Variants in NOX4 observed in about 807,000 individuals in gnomAD.
The protein encoded by NOX4 is NADPH oxidase 4.
A neutral mutation model predicts 87.6 loss-of-function variants in NOX4; 69 were observed. That is an observed-to-expected ratio of 0.79 (90% CI 0.65 to 0.96). The LOEUF (loss-of-function observed/expected upper bound fraction) is 0.96, where lower values mean the gene tolerates loss of function less well. Ranked by LOEUF, NOX4 falls within the 40% of genes least tolerant of loss-of-function variation. NOX4 has a pLI of 0.00. For missense variants in NOX4, 680 were observed against 681.5 expected (o/e 1.00, Z 0.02); for synonymous variants, 275 against 238.2 (o/e 1.15, Z -1.42).
the NOX4 span, among the ~76,000 whole-genome samples, chr11:89,578,958 T>C: frequency 3.9e-5 from 6 of 152,096 alleles, no homozygotes; most frequent in Non-Finnish European, 4.4e-5. Context: ...TTACCTGCAA[T>C]GAAATATTAT....
At chr11:89,549,368 C>T in the NOX4 span, among the ~76,000 whole-genome samples, 1 of 152,172 alleles carries the variant, frequency 6.6e-6, no homozygotes, top group African/African-American at 2.4e-5. Context: ...GCTCTCCTCC[C>T]TTGATTTTTG....
chr11:89,538,114 G>A, the NOX4 span, among the ~76,000 whole-genome samples: 1 of 152,270 alleles, frequency 6.6e-6, no homozygotes, highest in Non-Finnish European at 1.5e-5. Flanking sequence ...AGCATGGACT[G>A]GAATCTGTCT....
At chr11:89,330,179 T>C (rs1173980351) in intron 17 of NOX4, among the ~76,000 whole-genome samples, 1 of 151,820 alleles carries the variant, frequency 6.6e-6, no homozygotes, top group Non-Finnish European at 1.5e-5. Context: ...GAGATCCCAT[T>C]CCTACAAAAA....
intron 13 of NOX4, among the ~76,000 whole-genome samples, chr11:89,346,907 G>C (rs1052261347): frequency 6.6e-6 from 1 of 152,154 alleles, no homozygotes; most frequent in African/African-American, 2.4e-5. Context: ...TCCACTACCT[G>C]CTGATAGACC....
intron 8 of NOX4, among the ~76,000 whole-genome samples, chr11:89,402,963 C>T (rs1941962290): frequency 6.6e-6 from 1 of 152,138 alleles, no homozygotes; most frequent in African/African-American, 2.4e-5. Context: ...ATATATTTAA[C>T]TTGGCCAAGC....
At chr11:89,399,048 ATTTTTT>A (rs1183338838) in intron 11 of NOX4, among the ~76,000 whole-genome samples, 1 of 151,878 alleles carries the variant, frequency 6.6e-6, no homozygotes, top group African/African-American at 2.4e-5. Context: ...GTGGGGAAAA[ATTTTTT>A]TAAGTTTGTA....
intron 8 of NOX4, among the ~76,000 whole-genome samples, chr11:89,421,349 G>T (rs1049164582): frequency 4.0e-5 from 6 of 151,832 alleles, no homozygotes; most frequent in African/African-American, 1.5e-4. Flanking sequence ...ACATATTTTT[G>T]GAATACTTTA....
intron 16 of NOX4, among the ~76,000 whole-genome samples, chr11:89,336,558 T>G (rs904815443): frequency 1.3e-5 from 2 of 151,910 alleles, no homozygotes; most frequent in African/African-American, 4.8e-5. Context: ...CTGTTTGCAA[T>G]TAACAGAGCA....
chr11:89,580,015 T>C, the NOX4 span, among the ~76,000 whole-genome samples: 1 of 152,152 alleles, frequency 6.6e-6, no homozygotes. Flanking sequence ...ACGCTTAGAT[T>C]GCATCCTGGG....
At chr11:89,587,156 A>C in the NOX4 span, among the ~76,000 whole-genome samples, 1 of 152,124 alleles carries the variant, frequency 6.6e-6, no homozygotes, top group Admixed American at 6.6e-5. Context: ...GTCAGAGAAG[A>C]AAGAATGAAT....
At chr11:89,359,520 C>T (rs1316323656) in intron 12 of NOX4, among the ~76,000 whole-genome samples, 1 of 147,694 alleles carries the variant, frequency 6.8e-6, no homozygotes, top group Admixed American at 6.8e-5. Context: ...CTTACCACTA[C>T]AAAAAAAAGA....
At chr11:89,475,090 A>G (rs1054796097) in intron 2 of NOX4, among the ~76,000 whole-genome samples, 1 of 151,922 alleles carries the variant, frequency 6.6e-6, no homozygotes, top group Non-Finnish European at 1.5e-5. Flanking sequence ...GGAGTTTGTG[A>G]TAACAGAGAT....
intron 2 of NOX4, among the ~76,000 whole-genome samples, chr11:89,478,515 T>C (rs1043202150): frequency 2.0e-5 from 3 of 152,228 alleles, no homozygotes; most frequent in African/African-American, 7.2e-5. Context: ...ATAGTTGATA[T>C]TTGAGCTGAT....
At chr11:89,347,605 C>T (rs1946273338) in intron 13 of NOX4, among the ~76,000 whole-genome samples, 1 of 152,120 alleles carries the variant, frequency 6.6e-6, no homozygotes, top group South Asian at 2.1e-4. Flanking sequence ...TGCCACTCTC[C>T]CTCAATCATG....
chr11:89,547,543 C>G, the NOX4 span, among the ~76,000 whole-genome samples: 18 of 152,150 alleles, frequency 1.2e-4, no homozygotes, highest in Admixed American at 1.2e-3. Context: ...TTAGAAATCA[C>G]AATTTCATGT....
At chr11:89,400,506 T>C (rs1407667636) in intron 9 of NOX4, 127 bp from the exon 10 acceptor site, 4 of 592,132 alleles carry the variant, frequency 6.8e-6, no homozygotes, top group Non-Finnish European at 1.1e-5. Flanking sequence ...TAAGAAAACA[T>C]AACAAATGAG....
chr11:89,433,860 T>C (rs111792432), intron 6 of NOX4, among the ~76,000 whole-genome samples: 1 of 152,006 alleles, frequency 6.6e-6, no homozygotes, highest in Middle Eastern at 3.2e-3. Flanking sequence ...CCAAAATGAA[T>C]AGCTAACTGA....
At chr11:89,355,807 C>T in intron 12 of NOX4, among the ~76,000 whole-genome samples, 1 of 152,146 alleles carries the variant, frequency 6.6e-6, no homozygotes, top group South Asian at 2.1e-4. Flanking sequence ...TTCTCAGGGA[C>T]ACACCCTGCA....
chr11:89,344,437 G>T (rs913257583), intron 13 of NOX4, among the ~76,000 whole-genome samples: 2 of 151,900 alleles, frequency 1.3e-5, no homozygotes, highest in Non-Finnish European at 2.9e-5. Context: ...GTAATCCCAG[G>T]TACTAGGGAG....
Sources: allele counts gnomAD v4.1 joint callset (sites outside exome capture counted in the v4.1 genomes callset), GRCh38; gene constraint gnomAD v4.1.1; transcripts MANE v1.5; gene names NCBI Gene and HGNC (gene_info 2026-07-23, HGNC 2026-07-21).